GALNS: variants seen among roughly 807,000 people sequenced by gnomAD.
The protein encoded by GALNS is galactosamine (N-acetyl)-6-sulfatase.
Under a neutral mutation model 65.9 loss-of-function variants are expected in GALNS, and 65 were observed. That is an observed-to-expected ratio of 0.99 (90% CI 0.81 to 1.21). GALNS has a LOEUF of 1.21. GALNS is among the 50% of genes most tolerant of loss of function. The pLI is 0.00. For synonymous variants in GALNS, 346 were observed against 288.9 expected (o/e 1.20, Z -2.00); for missense variants, 776 against 700.7 (o/e 1.11, Z -1.21).
intron 1 of GALNS, among the ~76,000 whole-genome samples, chr16:88,854,868 G>A (rs190711909): frequency 2.6e-5 from 4 of 152,330 alleles, no homozygotes; most frequent in East Asian, 1.9e-4. Flanking sequence ...TACACCTACC[G>A]GCCAGGACAC....
At chr16:88,825,188 G>A (rs1910710487) in intron 10 of GALNS, among the ~76,000 whole-genome samples, 1 of 139,964 alleles carries the variant, frequency 7.1e-6, no homozygotes, top group Non-Finnish European at 1.5e-5. Flanking sequence ...TGGGGTGACT[G>A]GGTGTCTAGG....
intron 4 of GALNS, 104 bp downstream of exon 4, chr16:88,840,888 C>T: frequency 1.1e-6 from 1 of 917,744 alleles, no homozygotes; most frequent in South Asian, 1.3e-5. Flanking sequence ...GTTTCCCACC[C>T]AAGACACCCT....
chr16:88,841,802 T>C (rs748873305), intron 3 of GALNS, 95 bp downstream of exon 3: 186 of 1,123,222 alleles, frequency 1.7e-4, no homozygotes, highest in Non-Finnish European at 2.3e-4. Context: ...CACCTGCAGC[T>C]TGCCACCCGA....
intron 2 of GALNS, chr16:88,842,375 T>C (rs1967016961): frequency 1.9e-6 from 1 of 514,242 alleles, no homozygotes; most frequent in Admixed American, 3.2e-5. Flanking sequence ...AGGGAGGGAG[T>C]GGGACTCCTG....
In GALNS at chr16:88,837,781, C is replaced by T; in HGVS notation, c.423-16G>A. The T allele has an allele frequency of 6.2e-7, 1 of 1,613,588 alleles. No individual in the cohort carries two copies. Among genetic ancestry groups the T allele is most frequent in the Non-Finnish European group, 8.5e-7 (1 of 1,179,850 alleles). On this transcript the variant is annotated splice_polypyrimidine_tract_variant and intron_variant, in intron 4 of 13. Coordinates refer to ENST00000268695, the MANE Select transcript of GALNS (RefSeq NM_000512.5). ...ACCCAGATGCCTGGAAACAGGAACC[C>T]AGGACACTTCAGGGACCCCACGTGG...
chr16:88,835,985 G>A, intron 6 of GALNS, 136 bp from the exon 7 acceptor site: 1 of 1,410,452 alleles, frequency 7.1e-7, no homozygotes, highest in East Asian at 2.4e-5. Context: ...GGGCAAGGTT[G>A]GTGCGGTCCC....
chr16:88,845,690 G>C (rs1967211239), intron 1 of GALNS: 1 of 151,394 alleles, frequency 6.6e-6, no homozygotes, highest in Non-Finnish European at 1.5e-5. Context: ...GTTGCAGTGA[G>C]CCGAGATTGT....
intron 11 of GALNS, among the ~76,000 whole-genome samples, chr16:88,823,536 G>A (rs1352581143): frequency 1.8e-5 from 2 of 112,804 alleles, no homozygotes; most frequent in South Asian, 3.5e-4. Flanking sequence ...CGGCAATGCC[G>A]GGGACCGATG....
intron 13 of GALNS, chr16:88,817,523 A>G: frequency 1.0e-6 from 1 of 985,384 alleles, no homozygotes; most frequent in Non-Finnish European, 1.2e-6. Context: ...CCGCCACTCA[A>G]CAGTGCCCAC....
intron 4 of GALNS, 146 bp downstream of exon 4, chr16:88,840,846 G>A (rs1420409434): frequency 7.0e-6 from 5 of 718,388 alleles, no homozygotes; most frequent in Non-Finnish European, 5.1e-6. Flanking sequence ...AGGGACGCTG[G>A]AGACACCTGA....
At chr16:88,837,270 TG>T (rs758840938) in intron 5 of GALNS, among the ~76,000 whole-genome samples, 5 of 152,144 alleles carry the variant, frequency 3.3e-5, no homozygotes, top group Non-Finnish European at 5.9e-5. Flanking sequence ...CCCATGTCCC[TG>T]GATGTCTGGA....
intron 1 of GALNS, chr16:88,855,900 G>T (rs536477549): frequency 7.6e-6 from 4 of 524,868 alleles, no homozygotes; most frequent in Middle Eastern, 5.2e-4. Flanking sequence ...TCTGGTACTC[G>T]GTGTCGTCCC....
At chr16:88,856,064 C>T in intron 1 of GALNS, 3 of 657,406 alleles carry the variant, frequency 4.6e-6, no homozygotes, top group South Asian at 1.7e-5. Flanking sequence ...ATGCCCCAGG[C>T]AGGCTCATTC....
intron 8 of GALNS, among the ~76,000 whole-genome samples, chr16:88,832,860 A>G (rs932557629): frequency 7.9e-5 from 12 of 152,160 alleles, no homozygotes; most frequent in African/African-American, 2.9e-4. Flanking sequence ...CGGGAGTTCA[A>G]GACTAGCCTA....
intron 13 of GALNS, 61 bp from the exon 14 acceptor site, chr16:88,814,586 G>A (rs758257691): frequency 1.1e-4 from 166 of 1,547,918 alleles, no homozygotes; most frequent in Middle Eastern, 4.0e-4. Flanking sequence ...GGACCCAGCA[G>A]CAGCGGGCAT....
Position 88,819,452 on chromosome 16 carries a change from T to C in GALNS, c.1365-1328A>G, listed in dbSNP as rs546433854. Among the ~76,000 whole-genome samples, 18 of 152,360 alleles carry C rather than the reference T, an allele frequency of 1.2e-4. No individual in the cohort carries two copies. The East Asian group carries it at 3.5e-3, about 29-fold the overall frequency. On this transcript the variant is annotated intron_variant, in intron 12 of 13. Coordinates refer to ENST00000268695, the MANE Select transcript of GALNS (RefSeq NM_000512.5). The stretch of plus-strand genomic sequence containing the variant: ...GGATTCTGTGGCCAAATACTGCTGG[T>C]TGAGAACTGGCGTGAACTGCACGTG...
In GALNS at chr16:88,823,789, C is replaced by A. The variant is rs186537493; in HGVS notation, c.1242+978G>T. On this transcript the variant is annotated intron_variant, in intron 11 of 13. Coordinates refer to ENST00000268695, the MANE Select transcript of GALNS (RefSeq NM_000512.5). ...CCTCGCAGGCGGCAATGCCCGGGGA[C>A]CGATGCCCAGGACGGCCCTCGCAGG... 2.9e-3 allele frequency among the ~76,000 whole-genome samples: 377 copies of A among 130,976 alleles called. 1 individual carries two copies. The highest frequency in any genetic ancestry group is 4.4e-3 in the Middle Eastern group (1 of 226). 85.9% of individuals were successfully genotyped at this position (130,976 alleles called of 152,430 possible).
chr16:88,848,447 C>G (rs989499524), intron 1 of GALNS, among the ~76,000 whole-genome samples: 4 of 152,014 alleles, frequency 2.6e-5, no homozygotes, highest in Admixed American at 2.6e-4. Flanking sequence ...TCCTTGCTAA[C>G]ACAGTGAAAC....
chr16:88,850,681 C>G (rs1168638141), intron 1 of GALNS, among the ~76,000 whole-genome samples: 1 of 152,184 alleles, frequency 6.6e-6, no homozygotes, highest in African/African-American at 2.4e-5. Flanking sequence ...CCGGGGAGAC[C>G]AGCCGCAGCG....
Sources: allele counts gnomAD v4.1 joint callset (sites outside exome capture counted in the v4.1 genomes callset), GRCh38; gene constraint gnomAD v4.1.1; transcripts MANE v1.5; gene names NCBI Gene and HGNC (gene_info 2026-07-23, HGNC 2026-07-21).